Variants in PRNP observed in about 807,000 individuals in gnomAD.
The protein encoded by PRNP is major prion protein.
In PRNP, 15 loss-of-function variants were observed where a neutral mutation model predicts 21.3. That is an observed-to-expected ratio of 0.71 (90% CI 0.47 to 1.09). PRNP has a LOEUF of 1.09. PRNP is among the 50% of genes least tolerant of loss of function. The probability of loss-of-function intolerance (pLI) is 0.00; values close to 1 mark genes in which losing one functional copy is unlikely to be tolerated. For synonymous variants in PRNP, 121 were observed against 123.1 expected, an observed-to-expected ratio of 0.98 and a Z score of 0.11; for missense variants, 285 against 340.9, an observed-to-expected ratio of 0.84 and a Z score of 1.29.
intron 1 of PRNP, among the ~76,000 whole-genome samples, chr20:4,693,855 G>T (rs552705304): frequency 2.8e-4 from 43 of 151,862 alleles, no homozygotes; most frequent in Admixed American, 1.9e-3. Context: ...CCAGCACTTT[G>T]GGAGGCTGAG....
rs191458803 is a variant in PRNP at position 4,691,698 on chromosome 20, A to T, written c.-11+5186A>T. On this transcript the variant is annotated intron_variant, in intron 1 of 1. Transcript: ENST00000379440. ...GTTAAGAATTTTTGCACCTATGTTCATCAGGGATATTGGCCTATACTGCCA... is the reference window on the plus strand; with the variant it reads ...GTTAAGAATTTTTGCACCTATGTTCTTCAGGGATATTGGCCTATACTGCCA... Among the ~76,000 whole-genome samples the T allele has an allele frequency of 2.1e-3, 324 of 152,300 alleles. 2 individuals are homozygous for T. The highest frequency in any genetic ancestry group is 3.4e-3 in the Middle Eastern group (1 of 294).
chr20:4,698,216 T>G (rs1194015282), intron 1 of PRNP, among the ~76,000 whole-genome samples: 6 of 152,184 alleles, frequency 3.9e-5, no homozygotes, highest in Non-Finnish European at 7.3e-5. Context: ...ACTTTAACTC[T>G]GCTTGTAACT....
rs74315403 is a variant in PRNP, at chr20:4,699,752, G to A, written c.532G>A (p.Asp178Asn). ...CAGCAACCAGAACAACTTTGTGCACGACTGCGTCAATATCACAATCAAGCA... is the reference window on the plus strand; with the variant it reads ...CAGCAACCAGAACAACTTTGTGCACAACTGCGTCAATATCACAATCAAGCA... ...EYSNQNNFVH[D>N]CVNITIKQHT... is the part of the protein sequence containing the mutation. The change falls in exon 2 of 2, where the codon GAC (aspartate) becomes AAC (asparagine). Residue 178 changes from aspartate to asparagine, a missense_variant. Physicochemically the swap from Asp to Asn is conservative, Grantham distance 23 (BLOSUM62 1). Transcript: ENST00000379440. The surrounding 1 kb of genome is among the most constrained non-coding windows in gnomAD (Gnocchi z 5.8). The A allele has an allele frequency of 6.2e-7, 1 of 1,613,942 alleles. No individual in the cohort carries two copies. Among genetic ancestry groups the A allele is most frequent in the Non-Finnish European group, 8.5e-7 (1 of 1,180,004 alleles).
intron 1 of PRNP, among the ~76,000 whole-genome samples, chr20:4,691,704 GA>G (rs2122206335): frequency 6.6e-6 from 1 of 152,264 alleles, no homozygotes. Flanking sequence ...GTTCATCAGG[GA>G]TATTGGCCTA....
chr20:4,701,145 GTTAA>G lies in PRNP; in HGVS notation c.*1168_*1171del, dbSNP rs1447492768. On this transcript the variant is annotated 3_prime_UTR_variant, in exon 2 of 2. Coordinates refer to ENST00000379440, the MANE Select transcript of PRNP (RefSeq NM_000311.5). This position sits in a 1 kb window ranked among gnomAD's most constrained non-coding sequence, Gnocchi z 4.2. Reference sequence around the variant, plus strand: ...AAGTGGAAAAAGAAATTCTGTTAATGTTAATTAAAGTAAAATTATTCCCTGAATT... The same window carrying G: ...AAGTGGAAAAAGAAATTCTGTTAATGTTAAAGTAAAATTATTCCCTGAATT... 1.2e-5 allele frequency: 2 copies of G among 166,344 alleles called. No individual in the cohort carries two copies. Among genetic ancestry groups the G allele is most frequent in the Non-Finnish European group, 2.9e-5 (2 of 68,124 alleles). 10.3% of individuals were successfully genotyped at this position (166,344 alleles called of 1,614,324 possible).
In PRNP at chr20:4,701,143, AT is replaced by A. The variant is rs1922583375; in HGVS notation, c.*1162del. On this transcript the variant is annotated 3_prime_UTR_variant, in exon 2 of 2. Coordinates refer to ENST00000379440, the MANE Select transcript of PRNP (RefSeq NM_000311.5). The surrounding 1 kb of genome is among the most constrained non-coding windows in gnomAD (Gnocchi z 4.2). ...TGAAGTGGAAAAAGAAATTCTGTTA[AT>A]GTTAATTAAAGTAAAATTATTCCCT... 1 of 166,372 alleles carries A rather than the reference AT, an allele frequency of 6.0e-6. No homozygotes were observed. Among genetic ancestry groups the A allele is most frequent in the Non-Finnish European group, 1.5e-5 (1 of 68,124 alleles). 10.3% of individuals were successfully genotyped at this position (166,372 alleles called of 1,614,324 possible). A position where few individuals can be genotyped will look rare whatever the true frequency, so the allele number is the denominator to read the frequency against.
At chr20:4,696,148 T>G (rs1922155523) in intron 1 of PRNP, among the ~76,000 whole-genome samples, 1 of 152,230 alleles carries the variant, frequency 6.6e-6, no homozygotes, top group African/African-American at 2.4e-5. Context: ...TTCTTCCCCA[T>G]AGAAGTTTAC....
chr20:4,695,772 A>G (rs1168102378), intron 1 of PRNP, among the ~76,000 whole-genome samples: 1 of 152,204 alleles, frequency 6.6e-6, no homozygotes, highest in African/African-American at 2.4e-5. Context: ...GACATTTCCC[A>G]ATATTTTCCT....
In PRNP at chr20:4,699,514, G is replaced by T; in HGVS notation, c.294G>T (p.Gln98His). 1 of 1,613,950 alleles carries T rather than the reference G, an allele frequency of 6.2e-7. No homozygotes were observed. The highest frequency in any genetic ancestry group is 1.1e-5 in the South Asian group (1 of 91,072). Reference sequence around the variant, plus strand: ...GTCAAGGAGGTGGCACCCACAGTCAGTGGAACAAGCCGAGTAAGCCAAAAA... The same window carrying T: ...GTCAAGGAGGTGGCACCCACAGTCATTGGAACAAGCCGAGTAAGCCAAAAA... ...GWGQGGGTHS[Q>H]WNKPSKPKTN... The change falls in exon 2 of 2, where the codon CAG becomes CAT. Residue 98 changes from glutamine to histidine, a missense_variant. Physicochemically the swap from Gln to His is conservative, Grantham distance 24. Transcript: ENST00000379440. The surrounding 1 kb of genome is among the most constrained non-coding windows in gnomAD (Gnocchi z 5.8).
rs769223372 is a variant in PRNP at position 4,699,499 on chromosome 20, T to G, written c.279T>G (p.Gly93=). 6.2e-7 allele frequency: 1 copy of G among 1,612,844 alleles called. No individual in the cohort carries two copies. Among genetic ancestry groups the G allele is most frequent in the East Asian group, 2.2e-5 (1 of 44,814 alleles). ...QPHGGGWGQG[G]GTHSQWNKPS... is the part of the protein sequence containing the mutation. ...ATGGTGGTGGCTGGGGTCAAGGAGGTGGCACCCACAGTCAGTGGAACAAGC... is the reference window on the plus strand; with the variant it reads ...ATGGTGGTGGCTGGGGTCAAGGAGGGGGCACCCACAGTCAGTGGAACAAGC... The change falls in exon 2 of 2, where the codon GGT becomes GGG. Residue 93 remains glycine, a synonymous_variant. Transcript: ENST00000379440. The surrounding 1 kb of genome is among the most constrained non-coding windows in gnomAD (Gnocchi z 5.8).
chr20:4,694,443 T>C (rs1922039101), intron 1 of PRNP, among the ~76,000 whole-genome samples: 2 of 152,224 alleles, frequency 1.3e-5, no homozygotes, highest in South Asian at 2.1e-4. Flanking sequence ...TACATCTTAA[T>C]AGAAAGACAA....
rs973288478 is a variant in PRNP at position 4,689,074 on chromosome 20, G to C, written c.-11+2562G>C. On this transcript the variant is annotated intron_variant, in intron 1 of 1. Coordinates refer to ENST00000379440, the MANE Select transcript of PRNP (RefSeq NM_000311.5). ...AATGATTTAGTAATTTGTGTATTGG[G>C]TTTTTTTAAGAATCAGTTCTTAGAT... is the stretch of plus-strand genomic sequence containing the variant. Among the ~76,000 whole-genome samples the C allele has an allele frequency of 1.3e-5, 2 of 152,112 alleles. 1 individual carries two copies.
intron 1 of PRNP, among the ~76,000 whole-genome samples, chr20:4,688,490 A>G (rs1921619081): frequency 6.6e-6 from 1 of 152,216 alleles, no homozygotes; most frequent in Non-Finnish European, 1.5e-5. Context: ...ATGCATTAAG[A>G]AGCTGGAAGC....
chr20:4,687,544 TA>T (rs11475157), intron 1 of PRNP, among the ~76,000 whole-genome samples: 49,342 of 152,122 alleles, frequency 0.32, 8,845 homozygotes, highest in Non-Finnish European at 0.4. Context: ...CTGTCCTTTT[TA>T]AGGAATTTTT....
rs1921483491 is a variant in PRNP at position 4,686,960 on chromosome 20, C to T, written c.-11+448C>T. On this transcript the variant is annotated intron_variant, in intron 1 of 1. Transcript: ENST00000379440. This position sits in a 1 kb window ranked among gnomAD's most constrained non-coding sequence, Gnocchi z 6.7. ...CTGGGGGCCGCGGGGCTCGCGCTCC[C>T]CGCCCGTTGGCCGCCCCTCGGAGGC... Among the ~76,000 whole-genome samples the T allele has an allele frequency of 6.6e-6, 1 of 151,710 alleles. No homozygotes were observed.
chr20:4,700,027 T>C lies in PRNP; in HGVS notation c.*45T>C. The C allele has an allele frequency of 1.9e-6, 3 of 1,562,302 alleles. No individual in the cohort carries two copies. Among genetic ancestry groups the C allele is most frequent in the Non-Finnish European group, 2.6e-6 (3 of 1,152,774 alleles). On this transcript the variant is annotated 3_prime_UTR_variant, in exon 2 of 2. Transcript: ENST00000379440. This position sits in a 1 kb window ranked among gnomAD's most constrained non-coding sequence, Gnocchi z 4.1. ...ACCATCTTTCTAATCTTTTTCCAGCTTGAGGGAGGCGGTATCCACCTGCAG... is the reference window on the plus strand; with the variant it reads ...ACCATCTTTCTAATCTTTTTCCAGCCTGAGGGAGGCGGTATCCACCTGCAG...
chr20:4,699,283 C>T lies in PRNP; in HGVS notation c.63C>T (p.Leu21=). The change falls in exon 2 of 2, where the codon CTC becomes CTT. Residue 21 remains leucine, a synonymous_variant. Coordinates refer to ENST00000379440, the MANE Select transcript of PRNP (RefSeq NM_000311.5). This position sits in a 1 kb window ranked among gnomAD's most constrained non-coding sequence, Gnocchi z 5.8. ...TGGCCACATGGAGTGACCTGGGCCT[C>T]TGCAAGAAGCGCCCGAAGCCTGGAG... is the stretch of plus-strand genomic sequence containing the variant. ...LFVATWSDLG[L]CKKRPKPGGW... 6.2e-7 allele frequency: 1 copy of T among 1,614,102 alleles called. No homozygotes were observed. Among genetic ancestry groups the T allele is most frequent in the Non-Finnish European group, 8.5e-7 (1 of 1,180,044 alleles).
At chr20:4,695,131 C>T (rs1357825067) in intron 1 of PRNP, among the ~76,000 whole-genome samples, 2 of 151,968 alleles carry the variant, frequency 1.3e-5, no homozygotes, top group Admixed American at 6.6e-5. Flanking sequence ...AGAATCTTTA[C>T]ATTTTAATTT....
chr20:4,700,227 A>C lies in PRNP; in HGVS notation c.*245A>C. 1 of 1,262,688 alleles carries C rather than the reference A, an allele frequency of 7.9e-7. No homozygotes were observed. Among genetic ancestry groups the C allele is most frequent in the Non-Finnish European group, 1.1e-6 (1 of 896,488 alleles). The allele number at this position is 1,262,688 out of a possible 1,614,324, so 78.2% of individuals were successfully genotyped here. On this transcript the variant is annotated 3_prime_UTR_variant, in exon 2 of 2. Transcript: ENST00000379440. The surrounding 1 kb of genome is among the most constrained non-coding windows in gnomAD (Gnocchi z 4.1). Reference sequence around the variant, plus strand: ...CTAATGCCAGGCCAGTAAAAGTATAACAGCAAATAACCATTGGTTAATCTG... The same window carrying C: ...CTAATGCCAGGCCAGTAAAAGTATACCAGCAAATAACCATTGGTTAATCTG...
Sources: allele counts gnomAD v4.1 joint callset (sites outside exome capture counted in the v4.1 genomes callset), GRCh38; gene constraint gnomAD v4.1.1; non-coding constraint Gnocchi (gnomAD v3.1); transcripts MANE v1.5; gene names NCBI Gene and HGNC (gene_info 2026-07-23, HGNC 2026-07-21).